CLUL1: variants seen among roughly 807,000 people sequenced by gnomAD.
The protein encoded by CLUL1 is clusterin-like protein 1.
In CLUL1, 43 loss-of-function variants were observed where a neutral mutation model predicts 49.4. The observed-to-expected ratio is 0.87, with a 90% CI of 0.68 to 1.12. The LOEUF (loss-of-function observed/expected upper bound fraction) is 1.12, where lower values mean the gene tolerates loss of function less well. Ranked by LOEUF, CLUL1 falls within the 50% of genes most tolerant of loss-of-function variation. The pLI, the probability that CLUL1 is intolerant of heterozygous loss-of-function variation, is 0.00. For missense variants in CLUL1, 486 were observed against 544.4 expected, an observed-to-expected ratio of 0.89 and a Z score of 1.07; for synonymous variants, 192 against 184.9, an observed-to-expected ratio of 1.04 and a Z score of -0.31.
intron 1 of CLUL1, chr18:597,713 A>G (rs888046767): frequency 2.0e-5 from 3 of 152,174 alleles, no homozygotes; most frequent in Non-Finnish European, 2.9e-5. Flanking sequence ...GTCTCAAAAT[A>G]AATAAATAAA....
intron 2 of CLUL1, among the ~76,000 whole-genome samples, chr18:611,041 C>T (rs529227578): frequency 9.9e-5 from 15 of 152,194 alleles, no homozygotes; most frequent in African/African-American, 2.9e-4. Flanking sequence ...ACCTTCTGGC[C>T]GGTCCCAAGT....
intron 6 of CLUL1, among the ~76,000 whole-genome samples, chr18:628,431 T>C (rs1043776383): frequency 2.0e-5 from 3 of 152,144 alleles, no homozygotes; most frequent in Non-Finnish European, 4.4e-5. Flanking sequence ...CAATGCTGCT[T>C]TATGTTTTAA....
At chr18:636,556 C>T (rs2074140824) in intron 7 of CLUL1, among the ~76,000 whole-genome samples, 1 of 149,850 alleles carries the variant, frequency 6.7e-6, no homozygotes, top group Middle Eastern at 3.6e-3. Context: ...TTAATAGAGT[C>T]TATTAAATTA....
chr18:630,583 G>A lies in CLUL1; in HGVS notation c.857-2715G>A, dbSNP rs541422009. Among the ~76,000 whole-genome samples the A allele has an allele frequency of 8.8e-4, 133 of 151,118 alleles. 1 individual carries two copies. Among genetic ancestry groups the A allele is most frequent in the Admixed American group, 9.9e-4 (15 of 15,186 alleles). On this transcript the variant is annotated intron_variant, in intron 6 of 9. Transcript: ENST00000692774. ...AAGACAGAGGAAGGGGCCAGGAGCCGAGTAATGTAGGTGGCCTCGAGGAAC... is the reference window on the plus strand; with the variant it reads ...AAGACAGAGGAAGGGGCCAGGAGCCAAGTAATGTAGGTGGCCTCGAGGAAC...
chr18:597,452 G>T (rs1242869332), intron 1 of CLUL1, among the ~76,000 whole-genome samples: 12 of 152,328 alleles, frequency 7.9e-5, no homozygotes, highest in Middle Eastern at 3.4e-3. Context: ...GGAGCCGGGT[G>T]TGGTGGCTCA....
At chr18:601,797 A>C (rs988812651) in intron 1 of CLUL1, among the ~76,000 whole-genome samples, 2 of 152,208 alleles carry the variant, frequency 1.3e-5, no homozygotes, top group Non-Finnish European at 2.9e-5. Context: ...TGTCACAGCG[A>C]GACTCCATCT....
At chr18:600,635 A>G (rs572341466) in intron 1 of CLUL1, among the ~76,000 whole-genome samples, 26 of 152,284 alleles carry the variant, frequency 1.7e-4, no homozygotes, top group Non-Finnish European at 3.7e-4. Context: ...GTACGTTTTG[A>G]TTGTGCACCT....
intron 4 of CLUL1, among the ~76,000 whole-genome samples, chr18:621,445 G>A (rs1260307905): frequency 6.6e-6 from 1 of 152,188 alleles, no homozygotes; most frequent in East Asian, 1.9e-4. Flanking sequence ...GGCAAGGAAA[G>A]GAGAATGCCT....
intron 6 of CLUL1, among the ~76,000 whole-genome samples, chr18:628,106 C>T (rs1368208319): frequency 2.6e-5 from 4 of 152,216 alleles, no homozygotes; most frequent in Non-Finnish European, 4.4e-5. Flanking sequence ...GGATTGCAGG[C>T]GTGAGCCACC....
At chr18:626,926 AGAAGGAAAGAAG>A (rs2073772903) in intron 5 of CLUL1, among the ~76,000 whole-genome samples, 159 bp from the exon 6 acceptor site, 4 of 1,826 alleles carry the variant, frequency 2.2e-3, no homozygotes, top group African/African-American at 2.5e-3. Context: ...AAAGAAAGAA[AGAAGGAAAGAAG>A]GAAAGAAGGA....
At chr18:643,932 T>C (rs1056687644) in intron 8 of CLUL1, among the ~76,000 whole-genome samples, 1 of 152,210 alleles carries the variant, frequency 6.6e-6, no homozygotes, top group Non-Finnish European at 1.5e-5. Context: ...GCAGTATTTC[T>C]CTAGAATCAG....
At chr18:648,199 G>A (rs962618181) in intron 9 of CLUL1, among the ~76,000 whole-genome samples, 2 of 152,144 alleles carry the variant, frequency 1.3e-5, no homozygotes, top group Admixed American at 6.5e-5. Context: ...GCCCCAGTGG[G>A]TACTGACTAT....
chr18:615,622 A>G (rs1453619487), intron 2 of CLUL1, among the ~76,000 whole-genome samples: 2 of 152,136 alleles, frequency 1.3e-5, no homozygotes, highest in African/African-American at 4.8e-5. Context: ...AAAATACCCA[A>G]AGTGCTGCCT....
chr18:629,079 C>T (rs1483563198), intron 6 of CLUL1, among the ~76,000 whole-genome samples: 2 of 152,212 alleles, frequency 1.3e-5, no homozygotes, highest in African/African-American at 4.8e-5. Context: ...GTTTACCTTT[C>T]AGAAACTGAA....
At chr18:627,604 A>C in intron 6 of CLUL1, 75 bp downstream of exon 6, 8 of 1,023,026 alleles carry the variant, frequency 7.8e-6, no homozygotes, top group Non-Finnish European at 1.1e-5. Flanking sequence ...GAAATGGTAG[A>C]CATTTCTGAG....
intron 7 of CLUL1, among the ~76,000 whole-genome samples, chr18:639,278 A>T (rs1387465142): frequency 4.6e-5 from 7 of 151,410 alleles, no homozygotes; most frequent in Non-Finnish European, 7.4e-5. Flanking sequence ...TACAAAAAAA[A>T]ATATTAGCTG....
chr18:633,642 T>A (rs1425000072), intron 7 of CLUL1, among the ~76,000 whole-genome samples: 2 of 152,166 alleles, frequency 1.3e-5, no homozygotes, highest in Admixed American at 6.5e-5. Context: ...GAAGGGGTTC[T>A]TAACCCTGAC....
At chr18:601,287 A>C (rs2072822477) in intron 1 of CLUL1, among the ~76,000 whole-genome samples, 1 of 152,160 alleles carries the variant, frequency 6.6e-6, no homozygotes, top group African/African-American at 2.4e-5. Context: ...ACTCAGCAAA[A>C]TAGGATGATC....
At chr18:623,388 C>A (rs574824860) in intron 4 of CLUL1, among the ~76,000 whole-genome samples, 9 of 152,168 alleles carry the variant, frequency 5.9e-5, no homozygotes, top group African/African-American at 1.7e-4. Context: ...CTCATGCCTG[C>A]AATCCCAGCA....
Sources: gnomAD v4.1 joint callset for allele counts (sites outside exome capture counted in the v4.1 genomes callset) on GRCh38, gnomAD v4.1.1 for gene constraint, MANE v1.5 for transcripts, NCBI Gene and HGNC (gene_info 2026-07-23, HGNC 2026-07-21) for gene names.